The following ABCB1 variants were observed in gnomAD, a reference collection of about 807,000 sequenced individuals.
ABCB1 encodes ATP binding cassette subfamily B member 1.
A neutral mutation model predicts 142.0 loss-of-function variants in ABCB1; 69 were observed. The observed-to-expected ratio is 0.49, with a 90% confidence interval of 0.40 to 0.59. The LOEUF is 0.59. Ranked by LOEUF, ABCB1 falls within the 20% of genes least tolerant of loss-of-function variation. The pLI is 0.00. For synonymous variants in ABCB1, 532 were observed against 539.2 expected, an observed-to-expected ratio of 0.99 and a Z score of 0.18; for missense variants, 1,326 against 1,554.7, an observed-to-expected ratio of 0.85 and a Z score of 2.47.
At chr7:87,694,033 A>G in intron 1 of ABCB1, 4 of 1,585,444 alleles carry the variant, frequency 2.5e-6, no homozygotes, top group Admixed American at 3.7e-5. Context: ...GGAGGGCTGT[A>G]TCAGTTAAGT....
intron 9 of ABCB1, 126 bp from the exon 10 acceptor site, chr7:87,550,964 T>C (rs1015550069): frequency 3.7e-5 from 25 of 675,776 alleles, no homozygotes; most frequent in Non-Finnish European, 6.1e-5. Flanking sequence ...ATATAAATAC[T>C]AGGTGTTAAA....
intron 4 of ABCB1, among the ~76,000 whole-genome samples, chr7:87,575,789 C>T (rs1003446538): frequency 3.9e-5 from 6 of 152,148 alleles, no homozygotes; most frequent in Non-Finnish European, 5.9e-5. Context: ...AAGAGCTGTG[C>T]CTCTTGCCTG....
chr7:87,668,402 G>A (rs971225673), intron 1 of ABCB1, among the ~76,000 whole-genome samples: 24 of 151,650 alleles, frequency 1.6e-4, no homozygotes, highest in Non-Finnish European at 5.9e-5. Flanking sequence ...TCTAACTAGT[G>A]GCCTATTTTA....
Position 87,545,913 on chromosome 7 carries a change from C to A in ABCB1, c.1837G>T (p.Asp613Tyr), listed in dbSNP as rs57001392. 4 of 1,614,152 alleles carry A rather than the reference C, an allele frequency of 2.5e-6. No homozygotes were observed. Among genetic ancestry groups the A allele is most frequent in the Non-Finnish European group, 2.5e-6 (3 of 1,180,010 alleles). Reference sequence around the variant, plus strand: ...ATGCCTTTCTCTTTCATGAGTTCATCATGATTTCCTTTCTCCACAATGACT... The same window carrying A: ...ATGCCTTTCTCTTTCATGAGTTCATAATGATTTCCTTTCTCCACAATGACT... ...DGVIVEKGNH[D>Y]ELMKEKGIYF... Residue 613 changes from aspartate to tyrosine, a missense_variant, in exon 15 of 28, where the codon GAT (aspartate) becomes TAT (tyrosine). Physicochemically the swap from Asp to Tyr is radical, Grantham distance 160 (BLOSUM62 -3). Transcript: ENST00000622132.
chr7:87,506,555 AAT>A (rs199830063), intron 26 of ABCB1, among the ~76,000 whole-genome samples: 4,903 of 152,262 alleles, frequency 0.032, 237 homozygotes, highest in African/African-American at 0.11. Context: ...ATGCTATCAA[AAT>A]GGATTCCATT....
At chr7:87,626,798 T>G (rs1363334057) in intron 1 of ABCB1, among the ~76,000 whole-genome samples, 6 of 149,608 alleles carry the variant, frequency 4.0e-5, no homozygotes, top group Non-Finnish European at 7.4e-5. Flanking sequence ...GAGAGAGAGA[T>G]GGAGTCTCAC....
chr7:87,657,492 C>T (rs1334712165), intron 1 of ABCB1, among the ~76,000 whole-genome samples: 1 of 152,076 alleles, frequency 6.6e-6, no homozygotes, highest in African/African-American at 2.4e-5. Context: ...TAACAGTGTC[C>T]CAGTACCACC....
At chr7:87,644,450 T>C (rs1478306083) in intron 1 of ABCB1, among the ~76,000 whole-genome samples, 1 of 152,214 alleles carries the variant, frequency 6.6e-6, no homozygotes, top group African/African-American at 2.4e-5. Flanking sequence ...TGGTTTGAAA[T>C]AGTGGAGAGT....
chr7:87,561,437 C>T lies in ABCB1; in HGVS notation c.703-50G>A, dbSNP rs1563053199. 6 of 1,533,194 alleles carry T rather than the reference C, an allele frequency of 3.9e-6. No homozygotes were observed. The East Asian group carries it at 1.4e-4, about 36-fold the overall frequency. 95.0% of individuals were successfully genotyped at this position (1,533,194 alleles called of 1,614,324 possible). A position where few individuals can be genotyped will look rare whatever the true frequency, so the allele number is the denominator to read the frequency against. On this transcript the variant is annotated intron_variant, in intron 7 of 27. Transcript: ENST00000622132. ...CATGAAAAAAACACGTTAATTTTAT[C>T]TTTTGTAAAGTAAAAATAAATGTAT... is the stretch of plus-strand genomic sequence containing the variant.
intron 1 of ABCB1, among the ~76,000 whole-genome samples, chr7:87,705,212 G>A (rs1292594242): frequency 6.6e-6 from 1 of 152,082 alleles, no homozygotes; most frequent in African/African-American, 2.4e-5. Context: ...ATCACCTGAG[G>A]TCAGCAGTTC....
chr7:87,630,688 C>CTT (rs771607643), intron 1 of ABCB1, among the ~76,000 whole-genome samples: 1 of 142,370 alleles, frequency 7.0e-6, no homozygotes, highest in Non-Finnish European at 1.5e-5. Flanking sequence ...TTTGCTTAGT[C>CTT]TTTTTTTTTT....
intron 1 of ABCB1, among the ~76,000 whole-genome samples, chr7:87,636,077 A>G (rs540749903): frequency 2.8e-4 from 42 of 152,150 alleles, no homozygotes; most frequent in Non-Finnish European, 5.1e-4. Flanking sequence ...TGATATGTAC[A>G]TTTTTCTGTC....
intron 23 of ABCB1, 84 bp downstream of exon 23, chr7:87,519,242 C>T: frequency 1.5e-6 from 2 of 1,358,082 alleles, no homozygotes; most frequent in East Asian, 2.3e-5. Flanking sequence ...TGAGGCTTCA[C>T]AGTAGGGTTT....
intron 1 of ABCB1, among the ~76,000 whole-genome samples, chr7:87,626,257 ATG>A (rs1304925552): frequency 1.4e-5 from 1 of 71,370 alleles, no homozygotes; most frequent in South Asian, 5.6e-4. Context: ...TGTCATATAT[ATG>A]TGTCATATAT....
chr7:87,609,107 A>T (rs1038062022), intron 1 of ABCB1, among the ~76,000 whole-genome samples: 2 of 152,180 alleles, frequency 1.3e-5, no homozygotes, highest in African/African-American at 4.8e-5. Context: ...GTGATTTTGT[A>T]TGTTAAAAAG....
chr7:87,595,490 T>C (rs1819163205), intron 3 of ABCB1, among the ~76,000 whole-genome samples: 1 of 152,108 alleles, frequency 6.6e-6, no homozygotes, highest in Non-Finnish European at 1.5e-5. Flanking sequence ...TCTATGCAGA[T>C]GGGAGAGGTG....
intron 21 of ABCB1, chr7:87,522,208 C>T: frequency 7.5e-7 from 1 of 1,335,682 alleles, no homozygotes. Flanking sequence ...ATTTGGTAAT[C>T]ATGGAAGCAA....
intron 21 of ABCB1, chr7:87,521,476 T>C: frequency 1.4e-6 from 1 of 729,756 alleles, no homozygotes; most frequent in Non-Finnish European, 2.5e-6. Context: ...TAAGTCAGAG[T>C]CTCCTAATGA....
chr7:87,623,288 T>TA (rs969339149), intron 1 of ABCB1, among the ~76,000 whole-genome samples: 1 of 152,160 alleles, frequency 6.6e-6, no homozygotes, highest in African/African-American at 2.4e-5. Flanking sequence ...TTCTACATGA[T>TA]AAAAAATTTT....
Sources: allele counts gnomAD v4.1 joint callset (sites outside exome capture counted in the v4.1 genomes callset), GRCh38; gene constraint gnomAD v4.1.1; transcripts MANE v1.5; gene names NCBI Gene and HGNC (gene_info 2026-07-23, HGNC 2026-07-21).